ANKRD44: variants seen among roughly 807,000 people sequenced by gnomAD.
The protein encoded by ANKRD44 is serine/threonine-protein phosphatase 6 regulatory ankyrin repeat subunit B.
In ANKRD44, 35 loss-of-function variants were observed where a neutral mutation model predicts 116.0. The ratio of observed to expected loss-of-function variants is 0.30; its 90% CI spans 0.23 to 0.40. ANKRD44 has a LOEUF of 0.40. Ranked by LOEUF, ANKRD44 falls within the 10% of genes least tolerant of loss-of-function variation. The probability of loss-of-function intolerance (pLI) is 1.00; values close to 1 mark genes in which losing one functional copy is unlikely to be tolerated. For missense variants in ANKRD44, 1,014 were observed against 1,242.6 expected (o/e 0.82, Z 2.77); for synonymous variants, 435 against 461.8 (o/e 0.94, Z 0.74).
intron 11 of ANKRD44, among the ~76,000 whole-genome samples, chr2:197,089,233 C>T (rs1252921954): frequency 2.0e-5 from 3 of 151,942 alleles, no homozygotes; most frequent in African/African-American, 7.3e-5. Flanking sequence ...TTTAAACATG[C>T]CAACAGCAGT....
In ANKRD44 at chr2:197,122,791, G is replaced by A; in HGVS notation, c.552C>T (p.Gly184=). Residue 184 remains glycine (G), a splice_region_variant and synonymous_variant, in exon 7 of 28, where the codon GGC becomes GGT. Coordinates refer to ENST00000282272, the MANE Select transcript of ANKRD44 (RefSeq NM_001195144.2). ...RRALHWAAYM[G]HLDVVALLIN... Reference sequence around the variant, plus strand: ...TGAGCAATGCTACAACATCCAAGTGGCCTTTACAAACAAAGCAGCAGAAAA... The same window carrying A: ...TGAGCAATGCTACAACATCCAAGTGACCTTTACAAACAAAGCAGCAGAAAA... 2 of 1,612,226 alleles carry A rather than the reference G, an allele frequency of 1.2e-6. No homozygotes were observed. The highest frequency in any genetic ancestry group is 1.7e-6 in the Non-Finnish European group (2 of 1,179,298).
intron 1 of ANKRD44, among the ~76,000 whole-genome samples, chr2:197,205,930 C>G (rs2081195403): frequency 6.6e-6 from 1 of 152,140 alleles, no homozygotes; most frequent in Non-Finnish European, 1.5e-5. Flanking sequence ...GGAAATGTGA[C>G]TAGTTCAGAG....
At chr2:197,302,082 G>C (rs1233712347) in intron 1 of ANKRD44, among the ~76,000 whole-genome samples, 1 of 152,230 alleles carries the variant, frequency 6.6e-6, no homozygotes, top group African/African-American at 2.4e-5. Context: ...CAAGGGTCCC[G>C]AGGCAGGAGC....
At chr2:197,044,603 C>T (rs2076968388) in intron 16 of ANKRD44, among the ~76,000 whole-genome samples, 1 of 152,120 alleles carries the variant, frequency 6.6e-6, no homozygotes, top group Non-Finnish European at 1.5e-5. Flanking sequence ...TCAGGTGATG[C>T]CCGCCTCGGC....
intron 16 of ANKRD44, among the ~76,000 whole-genome samples, chr2:197,046,498 T>G (rs572352829): frequency 6.6e-6 from 1 of 152,296 alleles, no homozygotes; most frequent in African/African-American, 2.4e-5. Context: ...TTGAGGCTCA[T>G]TGAAGCAGTC....
At chr2:197,177,584 G>A (rs2080397092) in intron 2 of ANKRD44, among the ~76,000 whole-genome samples, 3 of 152,074 alleles carry the variant, frequency 2.0e-5, no homozygotes, top group African/African-American at 7.2e-5. Flanking sequence ...TCGTGAGTTT[G>A]TGTGTGTGTT....
At chr2:197,183,391 AT>A (rs1001262954) in intron 2 of ANKRD44, among the ~76,000 whole-genome samples, 26 of 152,144 alleles carry the variant, frequency 1.7e-4, no homozygotes, top group African/African-American at 6.3e-4. Context: ...TGCACTATTT[AT>A]TTTCCTTCCT....
chr2:197,272,862 T>C (rs1353181175), intron 1 of ANKRD44, among the ~76,000 whole-genome samples: 2 of 152,170 alleles, frequency 1.3e-5, no homozygotes, highest in Non-Finnish European at 2.9e-5. Context: ...GTCCACGGTA[T>C]TCTGTTGGAA....
rs3057744 is a variant in ANKRD44 at position 197,184,639 on chromosome 2, CAAAAA to C, written c.111+2379_111+2383del. Reference sequence around the variant, plus strand: ...TGGGCAGCTGAGCGAGACTCCATCTCAAAAAAAAAAAAAAAAAAAAAAATCCTTCC... The same window carrying C: ...TGGGCAGCTGAGCGAGACTCCATCTCAAAAAAAAAAAAAAAAAATCCTTCC... On this transcript the variant is annotated intron_variant, in intron 2 of 27. Coordinates refer to ENST00000282272, the MANE Select transcript of ANKRD44 (RefSeq NM_001195144.2). Among the ~76,000 whole-genome samples the C allele has an allele frequency of 1.7e-3, 159 of 92,266 alleles. 1 individual carries two copies. The highest frequency in any genetic ancestry group is 5.4e-3 in the African/African-American group (142 of 26,444). 60.5% of individuals were successfully genotyped at this position (92,266 alleles called of 152,430 possible). A position where few individuals can be genotyped will look rare whatever the true frequency, so the allele number is the denominator to read the frequency against.
Position 197,113,252 on chromosome 2 carries a change from G to C in ANKRD44, c.907-2408C>G, listed in dbSNP as rs41536845. ...ATTCCAGAGCTAGGCCTTAGTTGTC[G>C]GGACTGCACACAGTTCCAAGGACTG... On this transcript the variant is annotated intron_variant, in intron 8 of 27. Coordinates refer to ENST00000282272, the MANE Select transcript of ANKRD44 (RefSeq NM_001195144.2). 7.8e-3 allele frequency among the ~76,000 whole-genome samples: 1,182 copies of C among 152,236 alleles called. 15 individuals carry two copies. Among genetic ancestry groups the C allele is most frequent in the African/African-American group, 0.027 (1,132 of 41,520 alleles).
Position 197,125,879 on chromosome 2 carries a change from C to A in ANKRD44, c.420G>T (p.Gly140=), listed in dbSNP as rs750377776. 2 of 1,614,028 alleles carry A rather than the reference C, an allele frequency of 1.2e-6. No homozygotes were observed. Among genetic ancestry groups the A allele is most frequent in the Admixed American group, 3.3e-5 (2 of 60,012 alleles). Residue 140 remains glycine (G), a synonymous_variant, in exon 5 of 28, where the codon GGG becomes GGT. Transcript: ENST00000282272. The part of the protein sequence containing the change: ...LSSVNVSDRG[G]RTALHHAALN... ...GAGCCGCATGGTGCAAGGCTGTGCGCCCCCCTCGGTCGGAGACATTGACAC... is the reference window on the plus strand; with the variant it reads ...GAGCCGCATGGTGCAAGGCTGTGCGACCCCCTCGGTCGGAGACATTGACAC...
intron 18 of ANKRD44, among the ~76,000 whole-genome samples, chr2:197,011,288 TC>T (rs1236828380): frequency 1.3e-5 from 2 of 152,290 alleles, no homozygotes; most frequent in African/African-American, 4.8e-5. Context: ...CTCTAAATAG[TC>T]ATAATCATAA....
At chr2:197,281,409 G>T (rs1208180283) in intron 1 of ANKRD44, among the ~76,000 whole-genome samples, 1 of 151,346 alleles carries the variant, frequency 6.6e-6, no homozygotes, top group Non-Finnish European at 1.5e-5. Context: ...CAACATCCCA[G>T]ACCTTTTTGG....
chr2:197,041,456 A>G (rs554069433), intron 16 of ANKRD44, among the ~76,000 whole-genome samples: 28 of 152,228 alleles, frequency 1.8e-4, no homozygotes, highest in African/African-American at 6.7e-4. Context: ...TGGCTCAAGC[A>G]TCAACTATGG....
intron 9 of ANKRD44, among the ~76,000 whole-genome samples, chr2:197,100,207 CG>C (rs1337249751): frequency 3.3e-5 from 5 of 152,116 alleles, no homozygotes; most frequent in African/African-American, 1.2e-4. Flanking sequence ...GAGGCTGAGG[CG>C]GGCAGATCAC....
In ANKRD44 at chr2:197,184,588, C is replaced by T. The variant is rs532739193; in HGVS notation, c.111+2435G>A. 2.7e-5 allele frequency among the ~76,000 whole-genome samples: 4 copies of T among 146,654 alleles called. No homozygotes were observed. The South Asian group carries it at 6.4e-4, about 24-fold the overall frequency. On this transcript the variant is annotated intron_variant, in intron 2 of 27. Transcript: ENST00000282272. ...CCGGGAGATGGTGGTTGCAGTGAGCCGAGATCACGCCACTGCACTCCAGCC... is the reference window on the plus strand; with the variant it reads ...CCGGGAGATGGTGGTTGCAGTGAGCTGAGATCACGCCACTGCACTCCAGCC...
At chr2:197,233,844 T>A (rs948958012) in intron 1 of ANKRD44, among the ~76,000 whole-genome samples, 2 of 152,248 alleles carry the variant, frequency 1.3e-5, no homozygotes, top group African/African-American at 4.8e-5. Flanking sequence ...TTGCTGTATT[T>A]TTCCTCTTTT....
rs141893966 is a variant in ANKRD44 at position 196,969,836 on chromosome 2, G to C, written c.2369-2390C>G. Among the ~76,000 whole-genome samples the C allele has an allele frequency of 3.2e-3, 494 of 152,288 alleles. 2 individuals are homozygous for C. Among genetic ancestry groups the C allele is most frequent in the African/African-American group, 0.011 (460 of 41,556 alleles). On this transcript the variant is annotated intron_variant, in intron 21 of 21. Coordinates refer to the ANKRD44 transcript ENST00000424317. Reference sequence around the variant, plus strand: ...ACCAGCTCTAAGCTCCGCAGCTAAGGAGTAATGAAGAAAATCTGGAGGTGC... The same window carrying C: ...ACCAGCTCTAAGCTCCGCAGCTAAGCAGTAATGAAGAAAATCTGGAGGTGC...
At chr2:197,250,220 T>C (rs2105653450) in intron 1 of ANKRD44, among the ~76,000 whole-genome samples, 1 of 152,270 alleles carries the variant, frequency 6.6e-6, no homozygotes, top group South Asian at 2.1e-4. Flanking sequence ...GCCATCTCCT[T>C]GTGATTGCAA....
Sources: gnomAD v4.1 joint callset for allele counts (sites outside exome capture counted in the v4.1 genomes callset) on GRCh38, gnomAD v4.1.1 for gene constraint, MANE v1.5 for transcripts, NCBI Gene and HGNC (gene_info 2026-07-23, HGNC 2026-07-21) for gene names.